The following DHX36 variants were observed in gnomAD, a reference collection of about 807,000 sequenced individuals.
DHX36 encodes the protein DEAH-box helicase 36.
In DHX36, 50 loss-of-function variants were observed where a neutral mutation model predicts 139.0. The observed-to-expected ratio is 0.36, with a 90% CI of 0.29 to 0.46. DHX36 has a LOEUF of 0.46. Among genes scored for constraint, DHX36 ranks in the 20% least tolerant of loss-of-function variants. The pLI, the probability that DHX36 is intolerant of heterozygous loss-of-function variation, is 1.00. For synonymous variants in DHX36, 425 were observed against 401.9 expected, an observed-to-expected ratio of 1.06 and a Z score of -0.69; for missense variants, 1,024 against 1,211.3, an observed-to-expected ratio of 0.85 and a Z score of 2.29.
chr3:154,308,005 T>C (rs931393580), intron 5 of DHX36, among the ~76,000 whole-genome samples: 2 of 152,072 alleles, frequency 1.3e-5, no homozygotes, highest in Non-Finnish European at 2.9e-5. Flanking sequence ...TTCACATAAG[T>C]GGGTGCTAAA....
rs1559958737 is a variant in DHX36, at chr3:154,312,879, AT to A, written c.604-1206del. 7.0e-4 allele frequency among the ~76,000 whole-genome samples: 80 copies of A among 115,018 alleles called. 3 individuals are homozygous for A. The highest frequency in any genetic ancestry group is 2.1e-3 in the African/African-American group (61 of 29,198). The allele number at this position is 115,018 out of a possible 152,430, so 75.5% of individuals were successfully genotyped here. On this transcript the variant is annotated intron_variant, in intron 3 of 24. Coordinates refer to ENST00000496811, the MANE Select transcript of DHX36 (RefSeq NM_020865.3). ...TATATATATATATATATATATATAT[AT>A]ATATATATATATATATATATAAAAT...
chr3:154,276,928 C>T (rs750085532), intron 23 of DHX36, 29 bp from the exon 24 acceptor site: 100 of 1,577,766 alleles, frequency 6.3e-5, no homozygotes, highest in Non-Finnish European at 8.4e-5. Flanking sequence ...TGAATTAATA[C>T]ATTCAGGAGT....
chr3:154,308,350 T>C (rs1274144340), intron 5 of DHX36, among the ~76,000 whole-genome samples: 4 of 152,226 alleles, frequency 2.6e-5, no homozygotes, highest in Non-Finnish European at 2.9e-5. Context: ...CCACAGATTC[T>C]ATATTAAATG....
chr3:154,300,734 C>A (rs1559953360), intron 10 of DHX36, 38 bp from the exon 11 acceptor site: 3 of 1,530,970 alleles, frequency 2.0e-6, no homozygotes, highest in African/African-American at 2.8e-5. Flanking sequence ...AATACTTAAT[C>A]AAGTTTTCTG....
chr3:154,285,963 C>A (rs1184088015), intron 17 of DHX36, among the ~76,000 whole-genome samples: 1 of 151,330 alleles, frequency 6.6e-6, no homozygotes, highest in South Asian at 2.1e-4. Flanking sequence ...AAAATAATGG[C>A]AAATTGAATG....
At chr3:154,309,110 C>A (rs1712632123) in intron 5 of DHX36, among the ~76,000 whole-genome samples, 1 of 151,984 alleles carries the variant, frequency 6.6e-6, no homozygotes, top group Non-Finnish European at 1.5e-5. Context: ...ATCACTTGAA[C>A]CCTAGAGGTT....
At chr3:154,300,252 G>C (rs1379567002) in intron 11 of DHX36, among the ~76,000 whole-genome samples, 1 of 152,092 alleles carries the variant, frequency 6.6e-6, no homozygotes, top group African/African-American at 2.4e-5. Flanking sequence ...ATTTTTAGTA[G>C]AGACAGGGTT....
At chr3:154,318,807 G>A (rs1161488358) in intron 1 of DHX36, among the ~76,000 whole-genome samples, 5 of 152,104 alleles carry the variant, frequency 3.3e-5, no homozygotes, top group African/African-American at 4.8e-5. Flanking sequence ...TGTGTAGTAG[G>A]ATCTTGTTTT....
chr3:154,288,064 T>C (rs1382470827), intron 17 of DHX36, among the ~76,000 whole-genome samples: 1 of 148,924 alleles, frequency 6.7e-6, no homozygotes, highest in Non-Finnish European at 1.5e-5. Context: ...TACATGTACC[T>C]TATAACCCAG....
intron 12 of DHX36, among the ~76,000 whole-genome samples, chr3:154,296,794 T>C (rs961217468): frequency 6.6e-6 from 1 of 152,218 alleles, no homozygotes; most frequent in African/African-American, 2.4e-5. Flanking sequence ...ATGATCCCCA[T>C]GGACTCTGAC....
chr3:154,303,655 G>A (rs1356586730), intron 8 of DHX36, among the ~76,000 whole-genome samples: 4 of 152,060 alleles, frequency 2.6e-5, no homozygotes, highest in Admixed American at 1.3e-4. Context: ...AAATAACACA[G>A]AATATCAAAG....
intron 1 of DHX36, among the ~76,000 whole-genome samples, chr3:154,320,387 T>G (rs555732894): frequency 1.3e-5 from 2 of 151,202 alleles, no homozygotes; most frequent in African/African-American, 4.9e-5. Context: ...TAACAAGATG[T>G]CAGGTGATTC....
intron 3 of DHX36, 96 bp downstream of exon 3, chr3:154,314,950 A>T: frequency 1.2e-6 from 1 of 801,780 alleles, no homozygotes; most frequent in Non-Finnish European, 2.0e-6. Flanking sequence ...TGAGGATCTC[A>T]CTGATCTATG....
intron 17 of DHX36, among the ~76,000 whole-genome samples, chr3:154,286,187 A>AT (rs1711547471): frequency 6.7e-6 from 1 of 149,776 alleles, no homozygotes; most frequent in Middle Eastern, 3.2e-3. Context: ...AAAAAAAAAA[A>AT]AAAAACACCA....
intron 17 of DHX36, 126 bp from the exon 18 acceptor site, chr3:154,285,113 G>GGAAAAATGA: frequency 1.0e-6 from 1 of 980,964 alleles, no homozygotes; most frequent in Non-Finnish European, 1.5e-6. Context: ...CCCAAATATT[G>GGAAAAATGA]TTCAGCTTTA....
At position 154,324,248 on chromosome 3, in the gene DHX36, G is replaced by A. The variant is rs772770487; in HGVS notation, c.169C>T (p.Leu57=). ...RGGRGRHPGH[L]KGREIGMWYA... Reference sequence around the variant, plus strand: ...CACATGCCGATTTCGCGGCCTTTCAGGTGCCCGGGATGCCGGCCCCTGCCG... The same window carrying A: ...CACATGCCGATTTCGCGGCCTTTCAAGTGCCCGGGATGCCGGCCCCTGCCG... Residue 57 remains leucine, a synonymous_variant, in exon 1 of 25, where the codon CTG becomes TTG. Coordinates refer to ENST00000496811, the MANE Select transcript of DHX36 (RefSeq NM_020865.3). 2.5e-6 allele frequency: 4 copies of A among 1,613,552 alleles called. No individual in the cohort carries two copies. Among genetic ancestry groups the A allele is most frequent in the Non-Finnish European group, 3.4e-6 (4 of 1,179,764 alleles).
chr3:154,295,604 T>C (rs531934780), intron 12 of DHX36, among the ~76,000 whole-genome samples: 8 of 152,324 alleles, frequency 5.3e-5, no homozygotes, highest in Non-Finnish European at 8.8e-5. Context: ...GCGCTCCAAG[T>C]TCAAGCTAAC....
Position 154,276,885 on chromosome 3 carries a change from G to C in DHX36, c.2703C>G (p.Asp901Glu). 1 of 1,611,264 alleles carries C rather than the reference G, an allele frequency of 6.2e-7. No homozygotes were observed. Among genetic ancestry groups the C allele is most frequent in the South Asian group, 1.1e-5 (1 of 90,334 alleles). The change falls in exon 24 of 25, where the codon GAC (aspartate) becomes GAG (glutamate). Residue 901 changes from aspartate to glutamate, a missense_variant. Transcript: ENST00000496811. ...KMRTSSIYLY[D>E]CTEVSPYCLL... ...GACAGTATGGGGAAACCTCTGTGCA[G>C]TCATACAAGTATATCTGTAATGAAA...
rs1719044867 is a variant in DHX36, at chr3:154,273,102, A to T, written c.*3069T>A. 6.6e-6 allele frequency: 1 copy of T among 151,932 alleles called. No homozygotes were observed. Among genetic ancestry groups the T allele is most frequent in the Non-Finnish European group, 1.5e-5 (1 of 67,992 alleles). The allele number at this position is 151,932 out of a possible 1,614,324, so 9.4% of individuals were successfully genotyped here. On this transcript the variant is annotated 3_prime_UTR_variant, in exon 25 of 25. Transcript: ENST00000496811. ...TTTTTTTTTAAGAGTTATTCTCTGC[A>T]TTACTCAAAATGATGAATCAAACAG...
Sources: gnomAD v4.1 joint callset for allele counts (sites outside exome capture counted in the v4.1 genomes callset) on GRCh38, gnomAD v4.1.1 for gene constraint, MANE v1.5 for transcripts, NCBI Gene and HGNC (gene_info 2026-07-23, HGNC 2026-07-21) for gene names.